The following TCF7L1 variants were observed in gnomAD, a reference collection of about 807,000 sequenced individuals.
TCF7L1 encodes transcription factor 7 like 1.
Under a neutral mutation model 63.7 loss-of-function variants are expected in TCF7L1, and 18 were observed. The observed-to-expected ratio is 0.28, with a 90% CI of 0.20 to 0.42. The LOEUF (loss-of-function observed/expected upper bound fraction) is 0.42, where lower values mean the gene tolerates loss of function less well. TCF7L1 is among the 10% of genes least tolerant of loss of function. TCF7L1 has a pLI of 1.00. For synonymous variants in TCF7L1, 355 were observed against 340.9 expected (o/e 1.04, Z -0.46); for missense variants, 654 against 779.3 (o/e 0.84, Z 1.91).
intron 4 of TCF7L1, among the ~76,000 whole-genome samples, chr2:85,287,276 T>A (rs1681585580): frequency 1.3e-5 from 2 of 152,266 alleles, no homozygotes; most frequent in Non-Finnish European, 2.9e-5. Context: ...ACTGTATTAA[T>A]ACACATAATC....
intron 3 of TCF7L1, among the ~76,000 whole-genome samples, chr2:85,136,310 G>A (rs1677592371): frequency 3.3e-5 from 5 of 152,190 alleles, no homozygotes; most frequent in Admixed American, 3.3e-4. Flanking sequence ...GTCCAAGTGA[G>A]ACAGATTTTT....
intron 3 of TCF7L1, among the ~76,000 whole-genome samples, chr2:85,206,698 T>TC (rs1486602347): frequency 2.0e-5 from 3 of 152,154 alleles, no homozygotes; most frequent in African/African-American, 7.2e-5. Flanking sequence ...CAGGCACTGA[T>TC]CCTAGTGCTG....
rs183113138 is a variant in TCF7L1, at chr2:85,281,181, G to A, written c.442-2314G>A. ...TGGGACTACAGGCACACGCCACCAT[G>A]CCCAGCTAATTTTTGTATTTTTAGT... On this transcript the variant is annotated intron_variant, in intron 3 of 11. Coordinates refer to ENST00000282111, the MANE Select transcript of TCF7L1 (RefSeq NM_031283.3). Among the ~76,000 whole-genome samples the A allele has an allele frequency of 2.2e-3, 328 of 152,114 alleles. 3 individuals carry two copies. Among genetic ancestry groups the A allele is most frequent in the African/African-American group, 7.8e-3 (322 of 41,482 alleles).
chr2:85,263,089 G>T (rs1228789548), intron 3 of TCF7L1, among the ~76,000 whole-genome samples: 1 of 152,220 alleles, frequency 6.6e-6, no homozygotes, highest in Non-Finnish European at 1.5e-5. Flanking sequence ...ATGACCAAAG[G>T]TACCCAGGGT....
chr2:85,306,209 A>G lies in TCF7L1; in HGVS notation c.993A>G (p.Lys331=). 1.2e-6 allele frequency: 2 copies of G among 1,614,204 alleles called. No individual in the cohort carries two copies. Among genetic ancestry groups the G allele is most frequent in the Non-Finnish European group, 1.7e-6 (2 of 1,180,034 alleles). ...CTACAACCACGTGCCTTCCCAGGAA[A>G]TCACCAGTCACCGTGAAAAAGGAGG... The part of the protein sequence containing the change: ...PPSLSPAVSV[K]SPVTVKKEEE... Residue 331 remains lysine, a synonymous_variant, in exon 9 of 12, where the codon AAA becomes AAG. Coordinates refer to ENST00000282111, the MANE Select transcript of TCF7L1 (RefSeq NM_031283.3). This position sits in a 1 kb window ranked among gnomAD's most constrained non-coding sequence, Gnocchi z 4.3.
At chr2:85,222,210 G>A (rs999453519) in intron 3 of TCF7L1, among the ~76,000 whole-genome samples, 15 of 151,782 alleles carry the variant, frequency 9.9e-5, no homozygotes, top group South Asian at 2.1e-4. Flanking sequence ...GCGTGGTGGC[G>A]CACGCCTGTA....
At chr2:85,235,106 C>T (rs958144984) in intron 3 of TCF7L1, among the ~76,000 whole-genome samples, 2 of 152,102 alleles carry the variant, frequency 1.3e-5, no homozygotes, top group Non-Finnish European at 2.9e-5. Flanking sequence ...GAATAGGCCT[C>T]ATCTCCATGG....
intron 3 of TCF7L1, among the ~76,000 whole-genome samples, chr2:85,227,107 T>C (rs566685984): frequency 6.6e-6 from 1 of 152,306 alleles, no homozygotes; most frequent in East Asian, 1.9e-4. Flanking sequence ...AGTGAGTTGG[T>C]GCTTAACAAA....
intron 5 of TCF7L1, among the ~76,000 whole-genome samples, chr2:85,303,202 A>G (rs1682025625): frequency 6.6e-6 from 1 of 151,756 alleles, no homozygotes; most frequent in Non-Finnish European, 1.5e-5. Context: ...TTGCCCAGCT[A>G]ATTTTTGTAT....
chr2:85,196,267 T>A (rs1679154297), intron 3 of TCF7L1, among the ~76,000 whole-genome samples: 1 of 152,204 alleles, frequency 6.6e-6, no homozygotes, highest in African/African-American at 2.4e-5. Flanking sequence ...ACGATGTCAT[T>A]CTTCTTCTCT....
intron 3 of TCF7L1, among the ~76,000 whole-genome samples, chr2:85,192,913 T>C (rs1572985452): frequency 6.6e-6 from 1 of 152,142 alleles, no homozygotes; most frequent in South Asian, 2.1e-4. Context: ...GGTCTTGAAC[T>C]CATGGCCTCA....
intron 4 of TCF7L1, among the ~76,000 whole-genome samples, chr2:85,295,402 T>C (rs1394396105): frequency 2.0e-5 from 3 of 152,126 alleles, no homozygotes; most frequent in Non-Finnish European, 4.4e-5. Context: ...GGTTTCTCCA[T>C]GTTGGTCAGG....
intron 3 of TCF7L1, among the ~76,000 whole-genome samples, chr2:85,250,809 C>T (rs145691036): frequency 2.2e-4 from 33 of 152,208 alleles, no homozygotes; most frequent in African/African-American, 7.9e-4. Flanking sequence ...GTTAAAAGCT[C>T]CCAAGTTGTG....
intron 3 of TCF7L1, among the ~76,000 whole-genome samples, chr2:85,143,740 G>A (rs1454731768): frequency 2.0e-5 from 3 of 152,230 alleles, no homozygotes; most frequent in African/African-American, 7.2e-5. Flanking sequence ...AAGGGCAGCT[G>A]ACCTTTGTTT....
At chr2:85,150,378 C>T (rs1456452717) in intron 3 of TCF7L1, among the ~76,000 whole-genome samples, 3 of 152,110 alleles carry the variant, frequency 2.0e-5, no homozygotes, top group South Asian at 2.1e-4. Context: ...AGACTACAGG[C>T]GCCCGCCACC....
chr2:85,299,714 C>T (rs956996242), intron 4 of TCF7L1, among the ~76,000 whole-genome samples: 1 of 151,678 alleles, frequency 6.6e-6, no homozygotes, highest in African/African-American at 2.4e-5. Context: ...AAAATATTAG[C>T]GAGGTGTGGC....
intron 3 of TCF7L1, among the ~76,000 whole-genome samples, chr2:85,249,167 GT>G (rs959656955): frequency 2.0e-5 from 3 of 152,226 alleles, no homozygotes; most frequent in Non-Finnish European, 4.4e-5. Flanking sequence ...ACTAGTTGCA[GT>G]TTTTCTCTGT....
At position 85,306,690 on chromosome 2, in the gene TCF7L1, T is replaced by C. The variant is rs1256023810; in HGVS notation, c.1257+131T>C. ...TTCTTTTATTTTTTGAGACAGAGGC[T>C]CACCCTGTCACCCAGGCTGGAGTGC... On this transcript the variant is annotated intron_variant, in intron 10 of 11. Transcript: ENST00000282111. This position sits in a 1 kb window ranked among gnomAD's most constrained non-coding sequence, Gnocchi z 4.3. The C allele has an allele frequency of 6.7e-6, 5 of 747,624 alleles. No homozygotes were observed. Among genetic ancestry groups the C allele is most frequent in the African/African-American group, 5.3e-5 (3 of 56,864 alleles). The allele number at this position is 747,624 out of a possible 1,614,324, so 46.3% of individuals were successfully genotyped here.
chr2:85,197,506 C>T lies in TCF7L1; in HGVS notation c.441+63056C>T, dbSNP rs186486212. On this transcript the variant is annotated intron_variant, in intron 3 of 11. Coordinates refer to ENST00000282111, the MANE Select transcript of TCF7L1 (RefSeq NM_031283.3). ...AAAGAAACACCAACAAACACTGATG[C>T]GACTAAAGGCTATCCTAGGATCAAA... Among the ~76,000 whole-genome samples, 126 of 152,216 alleles carry T rather than the reference C, an allele frequency of 8.3e-4. 2 individuals are homozygous for T. The highest frequency in any genetic ancestry group is 2.9e-3 in the African/African-American group (120 of 41,520).
Sources: gnomAD v4.1 joint callset for allele counts (sites outside exome capture counted in the v4.1 genomes callset) on GRCh38, gnomAD v4.1.1 for gene constraint, Gnocchi (gnomAD v3.1) non-coding constraint, MANE v1.5 for transcripts, NCBI Gene and HGNC (gene_info 2026-07-23, HGNC 2026-07-21) for gene names.